RAI1: variants seen among roughly 807,000 people sequenced by gnomAD.
RAI1 encodes retinoic acid induced 1.
Under a neutral mutation model 123.8 loss-of-function variants are expected in RAI1, and 9 were observed. The observed-to-expected ratio is 0.07, with a 90% CI of 0.04 to 0.13. The LOEUF is 0.13. RAI1 is among the 10% of genes least tolerant of loss of function. The probability of loss-of-function intolerance (pLI) is 1.00; values close to 1 mark genes in which losing one functional copy is unlikely to be tolerated. For missense variants in RAI1, 2,256 were observed against 2,545.8 expected (o/e 0.89, Z 2.45); for synonymous variants, 1,231 against 1,127.3 (o/e 1.09, Z -1.84).
In RAI1 at chr17:17,685,240, G is replaced by A. The variant is rs1292671221; in HGVS notation, c.-149+3447G>A. Among the ~76,000 whole-genome samples the A allele has an allele frequency of 6.6e-6, 1 of 152,236 alleles. No homozygotes were observed. Among genetic ancestry groups the A allele is most frequent in the Non-Finnish European group, 1.5e-5 (1 of 68,042 alleles). On this transcript the variant is annotated intron_variant, in intron 1 of 5. Coordinates refer to ENST00000353383, the MANE Select transcript of RAI1 (RefSeq NM_030665.4). This position sits in a 1 kb window ranked among gnomAD's most constrained non-coding sequence, Gnocchi z 4.0. ...CAGCGTCTCTGCGGGAGAGGCACCT[G>A]GGCACTGGGCCCAAGGGAACAGGGA...
At chr17:17,709,854 G>T (rs1035072239) in intron 1 of RAI1, among the ~76,000 whole-genome samples, 1 of 152,214 alleles carries the variant, frequency 6.6e-6, no homozygotes, top group African/African-American at 2.4e-5. Context: ...GATAGAATGA[G>T]CACCCAGGAG....
chr17:17,735,818 T>C (rs1916415620), intron 2 of RAI1, among the ~76,000 whole-genome samples: 1 of 152,232 alleles, frequency 6.6e-6, no homozygotes, highest in Non-Finnish European at 1.5e-5. Context: ...TGCCTAGGGC[T>C]GTGTATCTCC....
intron 1 of RAI1, among the ~76,000 whole-genome samples, chr17:17,687,276 T>C (rs1314027534): frequency 2.6e-5 from 4 of 152,034 alleles, no homozygotes; most frequent in Admixed American, 2.6e-4. Flanking sequence ...AGCCATGTGT[T>C]AGGCACTATG....
chr17:17,738,335 G>C (rs887707824), intron 2 of RAI1, among the ~76,000 whole-genome samples: 1 of 150,546 alleles, frequency 6.6e-6, no homozygotes, highest in Non-Finnish European at 1.5e-5. Flanking sequence ...AGTGGGGCGG[G>C]CTGGCTGGCG....
chr17:17,778,411 C>T (rs1325496070), intron 2 of RAI1: 8 of 266,246 alleles, frequency 3.0e-5, no homozygotes, highest in South Asian at 8.1e-5. Context: ...TATCCCATTT[C>T]GTCCCACAAC....
In RAI1 at chr17:17,797,349, C is replaced by G; in HGVS notation, c.4401C>G (p.Pro1467=). The G allele has an allele frequency of 6.2e-7, 1 of 1,612,342 alleles. No homozygotes were observed. The change falls in exon 3 of 6, where the codon CCC becomes CCG. Residue 1467 remains proline, a synonymous_variant. Transcript: ENST00000353383. The part of the protein sequence containing the change: ...GLSKGPLEKR[P]YLGPALLLTP... ...CCAAAGGCCCGCTGGAGAAGCGGCC[C>G]TATCTTGGCCCGGCTCTGCTCCTGA...
chr17:17,723,246 C>T (rs372606342), intron 1 of RAI1, among the ~76,000 whole-genome samples: 27 of 151,896 alleles, frequency 1.8e-4, no homozygotes, highest in African/African-American at 6.5e-4. Flanking sequence ...CACACAACCC[C>T]CCTATAAACA....
At position 17,795,372 on chromosome 17, in the gene RAI1, G is replaced by C. The variant is rs747732852; in HGVS notation, c.2424G>C (p.Gly808=). ...GGGAGAAGGTGGCCTCGTTGCCCGG[G>C]GACTTCAAGCAGGAGGAGGTGGGTG... The part of the protein sequence containing the change: ...PPGEKVASLP[G]DFKQEEVGGV... Residue 808 remains glycine (G), a synonymous_variant, in exon 3 of 6, where the codon GGG becomes GGC. Coordinates refer to ENST00000353383, the MANE Select transcript of RAI1 (RefSeq NM_030665.4). This position sits in a 1 kb window ranked among gnomAD's most constrained non-coding sequence, Gnocchi z 5.9. The C allele has an allele frequency of 6.3e-7, 1 of 1,594,652 alleles. No homozygotes were observed. Among genetic ancestry groups the C allele is most frequent in the Non-Finnish European group, 8.6e-7 (1 of 1,168,308 alleles).
chr17:17,777,665 A>G (rs2031397248), intron 2 of RAI1: 1 of 152,170 alleles, frequency 6.6e-6, no homozygotes, highest in Non-Finnish European at 1.5e-5. Context: ...TTGGGAAGGG[A>G]TGAAGGGAAG....
intron 1 of RAI1, among the ~76,000 whole-genome samples, chr17:17,701,128 A>C (rs1915210603): frequency 6.6e-6 from 1 of 151,732 alleles, no homozygotes; most frequent in African/African-American, 2.4e-5. Context: ...CTGGGATGGG[A>C]TTGGGGATGG....
intron 2 of RAI1, among the ~76,000 whole-genome samples, chr17:17,730,352 G>C (rs1222691247): frequency 4.6e-5 from 7 of 152,222 alleles, no homozygotes; most frequent in African/African-American, 1.7e-4. Flanking sequence ...ATAATGCAGA[G>C]GCCACCCACC....
At chr17:17,747,152 G>A (rs1051185457) in intron 2 of RAI1, among the ~76,000 whole-genome samples, 2 of 152,200 alleles carry the variant, frequency 1.3e-5, no homozygotes, top group African/African-American at 4.8e-5. Flanking sequence ...ACCCAGATCA[G>A]GGGCACTGGT....
chr17:17,704,704 C>T (rs1598023084), intron 1 of RAI1, among the ~76,000 whole-genome samples: 1 of 152,130 alleles, frequency 6.6e-6, no homozygotes, highest in East Asian at 1.9e-4. Flanking sequence ...AGGTCCTTCG[C>T]CTGGTGTCCA....
intron 1 of RAI1, among the ~76,000 whole-genome samples, chr17:17,720,842 T>G (rs1287913669): frequency 6.6e-6 from 1 of 152,096 alleles, no homozygotes; most frequent in Non-Finnish European, 1.5e-5. Context: ...TCCATCACCC[T>G]CTGGCAGATG....
At chr17:17,698,149 T>C (rs1467378275) in intron 1 of RAI1, among the ~76,000 whole-genome samples, 2 of 152,168 alleles carry the variant, frequency 1.3e-5, no homozygotes, top group Non-Finnish European at 2.9e-5. Context: ...CCTACTCCAG[T>C]GCGCTGCTGT....
rs1451140311 is a variant in RAI1, at chr17:17,724,453, G to A, written c.-17+294G>A. On this transcript the variant is annotated intron_variant, in intron 2 of 5. Coordinates refer to ENST00000353383, the MANE Select transcript of RAI1 (RefSeq NM_030665.4). Reference sequence around the variant, plus strand: ...CCGCTTTTGGCCACAGTTTGGTTGTGCTGGGGATTCCCCCCTCCCCTTTCC... The same window carrying A: ...CCGCTTTTGGCCACAGTTTGGTTGTACTGGGGATTCCCCCCTCCCCTTTCC... Among the ~76,000 whole-genome samples, 284 of 125,248 alleles carry A rather than the reference G, an allele frequency of 2.3e-3. 2 individuals carry two copies. Among genetic ancestry groups the A allele is most frequent in the Non-Finnish European group, 4.1e-3 (247 of 60,890 alleles). The allele number at this position is 125,248 out of a possible 152,430, so 82.2% of individuals were successfully genotyped here. A position where few individuals can be genotyped will look rare whatever the true frequency, so the allele number is the denominator to read the frequency against.
intron 2 of RAI1, among the ~76,000 whole-genome samples, chr17:17,758,104 T>C (rs1464877422): frequency 2.0e-5 from 3 of 152,230 alleles, no homozygotes; most frequent in Admixed American, 1.3e-4. Flanking sequence ...TCATCTATTA[T>C]TAACGCTGAC....
intron 1 of RAI1, chr17:17,684,883 A>G (rs555461918): frequency 6.6e-6 from 1 of 152,118 alleles, no homozygotes; most frequent in Admixed American, 6.5e-5. Context: ...TCCTGGCTCC[A>G]CCACATACTG....
chr17:17,781,852 G>A (rs542219726), intron 2 of RAI1, among the ~76,000 whole-genome samples: 2 of 152,194 alleles, frequency 1.3e-5, no homozygotes, highest in Admixed American at 6.5e-5. Flanking sequence ...CACCGCTGCC[G>A]GAGGGTCTGC....
Sources: gnomAD v4.1 joint callset for allele counts (sites outside exome capture counted in the v4.1 genomes callset) on GRCh38, gnomAD v4.1.1 for gene constraint, Gnocchi (gnomAD v3.1) non-coding constraint, MANE v1.5 for transcripts, NCBI Gene and HGNC (gene_info 2026-07-23, HGNC 2026-07-21) for gene names.